TJP1: variants seen among roughly 807,000 people sequenced by gnomAD.
TJP1 encodes the protein tight junction protein 1.
Under a neutral mutation model 194.2 loss-of-function variants are expected in TJP1, and 43 were observed. The ratio of observed to expected loss-of-function variants is 0.22; its 90% CI spans 0.17 to 0.29. TJP1 has a LOEUF of 0.29. Ranked by LOEUF, TJP1 falls within the 10% of genes least tolerant of loss-of-function variation. The probability of loss-of-function intolerance (pLI) is 1.00; values close to 1 mark genes in which losing one functional copy is unlikely to be tolerated. For synonymous variants in TJP1, 801 were observed against 779.0 expected (o/e 1.03, Z -0.47); for missense variants, 1,971 against 2,185.7 (o/e 0.90, Z 1.96).
At chr15:29,795,797 G>A (rs536838321) in intron 2 of TJP1, among the ~76,000 whole-genome samples, 117 of 152,130 alleles carry the variant, frequency 7.7e-4, no homozygotes, top group African/African-American at 2.7e-3. Flanking sequence ...ATCTGGAATG[G>A]ATAACATGTA....
upstream of TJP1, chr15:29,822,574 A>G (rs1003036364): frequency 2.7e-6 from 1 of 372,112 alleles, no homozygotes; most frequent in Non-Finnish European, 3.7e-6. Flanking sequence ...GCGGCGGGGG[A>G]GGGGGCGGGA....
chr15:29,732,920 A>G (rs2043762474), intron 13 of TJP1, 105 bp from the exon 14 acceptor site: 1 of 1,280,380 alleles, frequency 7.8e-7, no homozygotes, highest in African/African-American at 1.5e-5. Flanking sequence ...GTTCACATAC[A>G]GTTTAAATCT....
chr15:29,903,825 A>T (rs1425092998), intron 2 of TJP1, among the ~76,000 whole-genome samples: 1 of 152,228 alleles, frequency 6.6e-6, no homozygotes, highest in Non-Finnish European at 1.5e-5. Context: ...GGGAAAAAGC[A>T]GCAATCTAAG....
At chr15:29,952,437 A>G (rs2055783779) in intron 2 of TJP1, among the ~76,000 whole-genome samples, 1 of 152,112 alleles carries the variant, frequency 6.6e-6, no homozygotes, top group African/African-American at 2.4e-5. Context: ...GAAAGCTGAA[A>G]CAATCACTTC....
chr15:29,905,677 AT>A (rs2053784306), intron 2 of TJP1, among the ~76,000 whole-genome samples: 1 of 152,268 alleles, frequency 6.6e-6, no homozygotes, highest in Non-Finnish European at 1.5e-5. Flanking sequence ...TTAGAATATT[AT>A]TTAGCAATAC....
At chr15:29,708,424 T>C in intron 25 of TJP1, 135 bp downstream of exon 25, 1 of 736,536 alleles carries the variant, frequency 1.4e-6, no homozygotes, top group Admixed American at 2.4e-5. Context: ...GTAACAGCAT[T>C]CATTGCAACA....
At chr15:29,955,753 T>TAAAAAAAAAAAAAAAAAAAAAAAAAAAA (rs563535771) in intron 2 of TJP1, among the ~76,000 whole-genome samples, 2 of 35,798 alleles carry the variant, frequency 5.6e-5, no homozygotes, top group East Asian at 1.1e-3. Context: ...CCTGGCTCTT[T>TAAAAAAAAAAAAAAAAAAAAAAAAAAAA]AAAAAAAAAA....
intron 9 of TJP1, 142 bp from the exon 10 acceptor site, chr15:29,741,578 T>A: frequency 1.7e-6 from 1 of 595,494 alleles, no homozygotes; most frequent in Non-Finnish European, 3.0e-6. Flanking sequence ...CATTTTATAG[T>A]AATAAATTCT....
chr15:29,936,962 T>C (rs1425262668), intron 2 of TJP1, among the ~76,000 whole-genome samples: 1 of 152,170 alleles, frequency 6.6e-6, no homozygotes, highest in East Asian at 1.9e-4. Context: ...CAATTTCCCA[T>C]CATACCTATG....
chr15:29,699,553 T>C (rs1306046185), downstream of TJP1: 1 of 152,234 alleles, frequency 6.6e-6, no homozygotes, highest in African/African-American at 2.4e-5. Context: ...ATTTGAACTA[T>C]ACATTTTAAA....
At chr15:29,841,229 C>T (rs1038856088) in intron 2 of TJP1, among the ~76,000 whole-genome samples, 3 of 152,144 alleles carry the variant, frequency 2.0e-5, no homozygotes, top group Admixed American at 6.6e-5. Context: ...AGCTGAAACC[C>T]CGTGTCCTTA....
chr15:29,734,748 A>G (rs888401416), intron 11 of TJP1, among the ~76,000 whole-genome samples: 3 of 152,148 alleles, frequency 2.0e-5, no homozygotes, highest in African/African-American at 7.2e-5. Context: ...GGTCTCCTAA[A>G]GTGCTGGGAC....
intron 2 of TJP1, among the ~76,000 whole-genome samples, chr15:29,907,305 A>C (rs2053848192): frequency 6.6e-6 from 1 of 152,048 alleles, no homozygotes; most frequent in South Asian, 2.1e-4. Flanking sequence ...GCTACTCGGG[A>C]AGCTGAGGCA....
chr15:29,835,690 T>G (rs1406095524), intron 2 of TJP1, among the ~76,000 whole-genome samples: 2 of 151,850 alleles, frequency 1.3e-5, no homozygotes, highest in African/African-American at 4.8e-5. Flanking sequence ...TACTCTAACA[T>G]GTAGAATCAG....
At position 29,719,948 on chromosome 15, in the gene TJP1, A is replaced by G. The variant is rs756641352; in HGVS notation, c.2832T>C (p.Ala944=). 2 of 1,614,240 alleles carry G rather than the reference A, an allele frequency of 1.2e-6. No individual in the cohort carries two copies. The highest frequency in any genetic ancestry group is 2.2e-5 in the East Asian group (1 of 44,878). The change falls in exon 20 of 28, where the codon GCT becomes GCC. Residue 944 remains alanine, a synonymous_variant. Coordinates refer to ENST00000614355, the MANE Select transcript of TJP1 (RefSeq NM_001330239.4). ...TAGTTAAATTTACATTATGATTAACAGCAGAGGTTGATGATGCTGGGTTTG... is the reference window on the plus strand; with the variant it reads ...TAGTTAAATTTACATTATGATTAACGGCAGAGGTTGATGATGCTGGGTTTG... The part of the protein sequence containing the change: ...PETNPASSTS[A]VNHNVNLTNV...
chr15:29,801,314 A>T (rs1313038755), intron 1 of TJP1, among the ~76,000 whole-genome samples: 1 of 152,174 alleles, frequency 6.6e-6, no homozygotes, highest in South Asian at 2.1e-4. Flanking sequence ...AAGAAACAAA[A>T]ACAAAAAAGA....
At chr15:29,832,427 C>A (rs1009885633) in intron 2 of TJP1, among the ~76,000 whole-genome samples, 1 of 152,258 alleles carries the variant, frequency 6.6e-6, no homozygotes, top group East Asian at 1.9e-4. Context: ...GATTTGCCGA[C>A]GCACAGAATC....
chr15:29,786,757 C>G (rs963407059), intron 2 of TJP1, among the ~76,000 whole-genome samples: 6 of 152,178 alleles, frequency 3.9e-5, no homozygotes, highest in African/African-American at 1.4e-4. Flanking sequence ...CTGCCTTGGC[C>G]TCCCAAAGTA....
chr15:29,779,079 C>T (rs936943173), intron 2 of TJP1, among the ~76,000 whole-genome samples: 2 of 152,162 alleles, frequency 1.3e-5, no homozygotes, highest in African/African-American at 4.8e-5. Context: ...CCACGAACTT[C>T]CTTACAGATA....
Sources: allele counts gnomAD v4.1 joint callset (sites outside exome capture counted in the v4.1 genomes callset), GRCh38; gene constraint gnomAD v4.1.1; transcripts MANE v1.5; gene names NCBI Gene and HGNC (gene_info 2026-07-23, HGNC 2026-07-21).